IGSF11: variants seen among roughly 807,000 people sequenced by gnomAD.
IGSF11 encodes immunoglobulin superfamily member 11.
IGSF11 carries 22 observed loss-of-function variants against 41.0 expected under a neutral mutation model. That is an observed-to-expected ratio of 0.54 (90% CI 0.38 to 0.77). The LOEUF (loss-of-function observed/expected upper bound fraction) is 0.77. IGSF11 is among the 30% of genes least tolerant of loss of function. IGSF11 has a pLI of 0.00. For synonymous variants in IGSF11, 219 were observed against 201.3 expected (o/e 1.09, Z -0.74); for missense variants, 444 against 530.8 (o/e 0.84, Z 1.61).
chr3:119,132,838 T>TA (rs532283389), intron 1 of IGSF11, among the ~76,000 whole-genome samples: 91 of 152,056 alleles, frequency 6.0e-4, no homozygotes, highest in African/African-American at 2.0e-3. Flanking sequence ...TCAGCAAATG[T>TA]AAAAAAATGG....
intron 1 of IGSF11, among the ~76,000 whole-genome samples, chr3:119,123,297 G>A (rs765260765): frequency 7.2e-5 from 11 of 152,218 alleles, no homozygotes; most frequent in African/African-American, 2.4e-4. Flanking sequence ...GAAGGACTAT[G>A]TCTTGTTGTT....
chr3:118,949,804 A>G (rs1315557670), intron 1 of IGSF11, among the ~76,000 whole-genome samples: 1 of 152,218 alleles, frequency 6.6e-6, no homozygotes, highest in East Asian at 1.9e-4. Flanking sequence ...TTTCTACTGT[A>G]ACACACAGCC....
At chr3:118,941,910 G>A (rs1415845728) in intron 1 of IGSF11, among the ~76,000 whole-genome samples, 8 of 151,984 alleles carry the variant, frequency 5.3e-5, no homozygotes, top group Admixed American at 3.3e-4. Flanking sequence ...AAAAATCTAC[G>A]GAGAAAGCAA....
chr3:119,076,797 C>CTT (rs199524952), intron 1 of IGSF11, among the ~76,000 whole-genome samples: 108 of 149,092 alleles, frequency 7.2e-4, no homozygotes, highest in Middle Eastern at 3.4e-3. Context: ...AATAGGAACA[C>CTT]TTTTTTTTTT....
chr3:119,080,350 C>A (rs1188281084), intron 1 of IGSF11, among the ~76,000 whole-genome samples: 2 of 152,146 alleles, frequency 1.3e-5, no homozygotes, highest in African/African-American at 2.4e-5. Flanking sequence ...AATAATACTA[C>A]AATTCTATGA....
intron 1 of IGSF11, among the ~76,000 whole-genome samples, chr3:118,985,350 T>C (rs1022944587): frequency 1.4e-4 from 21 of 152,198 alleles, no homozygotes; most frequent in African/African-American, 4.1e-4. Context: ...GACAGCTTCA[T>C]TTGTGACATA....
intron 1 of IGSF11, among the ~76,000 whole-genome samples, chr3:118,996,462 C>G (rs910402584): frequency 1.3e-5 from 2 of 152,198 alleles, no homozygotes; most frequent in Non-Finnish European, 2.9e-5. Context: ...CTACAACAGC[C>G]TCTTAATCCA....
At chr3:118,961,097 A>G in intron 1 of IGSF11, among the ~76,000 whole-genome samples, 1 of 152,218 alleles carries the variant, frequency 6.6e-6, no homozygotes, top group African/African-American at 2.4e-5. Context: ...CACAATCTGT[A>G]AAGAAGCTCA....
chr3:118,961,804 T>G (rs564826722), intron 1 of IGSF11, among the ~76,000 whole-genome samples: 1 of 152,238 alleles, frequency 6.6e-6, no homozygotes, highest in African/African-American at 2.4e-5. Flanking sequence ...TTTTAAACAA[T>G]GTAATTAATA....
At chr3:119,102,070 C>T (rs888029240) in intron 1 of IGSF11, among the ~76,000 whole-genome samples, 2 of 152,104 alleles carry the variant, frequency 1.3e-5, no homozygotes, top group African/African-American at 2.4e-5. Context: ...TCCACTTTGT[C>T]AGAGTTTATA....
intron 1 of IGSF11, among the ~76,000 whole-genome samples, chr3:119,076,780 G>A (rs1294571146): frequency 1.3e-5 from 2 of 149,828 alleles, no homozygotes; most frequent in Non-Finnish European, 1.5e-5. Context: ...TGGAGAGGAT[G>A]TGGAGAAATA....
intron 1 of IGSF11, among the ~76,000 whole-genome samples, chr3:119,064,555 C>G (rs1245082062): frequency 7.6e-6 from 1 of 131,634 alleles, no homozygotes; most frequent in Non-Finnish European, 1.6e-5. Flanking sequence ...TAGGAATCAT[C>G]ACCTCAATTT....
intron 1 of IGSF11, among the ~76,000 whole-genome samples, chr3:118,959,730 C>T (rs1450354720): frequency 6.6e-6 from 1 of 152,146 alleles, no homozygotes; most frequent in African/African-American, 2.4e-5. Flanking sequence ...TGTTTAATTA[C>T]TGCTGCTGCT....
At chr3:119,101,916 T>C (rs538875080) in intron 1 of IGSF11, among the ~76,000 whole-genome samples, 1 of 152,372 alleles carries the variant, frequency 6.6e-6, no homozygotes, top group East Asian at 1.9e-4. Flanking sequence ...AGATTTATCT[T>C]AGTACTTGTC....
intron 3 of IGSF11, 92 bp downstream of exon 3, chr3:118,928,417 C>G: frequency 1.1e-6 from 1 of 898,222 alleles, no homozygotes; most frequent in Non-Finnish European, 1.8e-6. Flanking sequence ...CATAAGCAGA[C>G]TGAAGGTGTA....
chr3:119,079,893 G>C (rs1034614900), intron 1 of IGSF11, among the ~76,000 whole-genome samples: 2 of 152,152 alleles, frequency 1.3e-5, no homozygotes, highest in Admixed American at 1.3e-4. Context: ...AGAGTGGAGG[G>C]TATGAGAAGG....
intron 1 of IGSF11, among the ~76,000 whole-genome samples, chr3:119,139,946 A>T (rs931665803): frequency 1.3e-5 from 2 of 152,200 alleles, no homozygotes; most frequent in Non-Finnish European, 2.9e-5. Context: ...TCCAAACAAG[A>T]TTATTTTAAG....
intron 4 of IGSF11, among the ~76,000 whole-genome samples, chr3:118,911,614 T>C (rs901913411): frequency 4.6e-5 from 7 of 150,760 alleles, no homozygotes; most frequent in Non-Finnish European, 7.4e-5. Flanking sequence ...CCTGGGTGGG[T>C]AACAGAGCAA....
In IGSF11 at chr3:118,902,447, T is replaced by TGGCCCCCCCCC; in HGVS notation, c.*72_*73insGGGGGGGGGCC. The TGGCCCCCCCCC allele has an allele frequency of 1.8e-6, 1 of 563,916 alleles. No homozygotes were observed. The highest frequency in any genetic ancestry group is 3.4e-6 in the Non-Finnish European group (1 of 298,020). The allele number at this position is 563,916 out of a possible 1,614,324, so 34.9% of individuals were successfully genotyped here. A position where few individuals can be genotyped will look rare whatever the true frequency, so the allele number is the denominator to read the frequency against. ...TAAGGAAGTGTTTCTTTCCCAGCAC[T>TGGCCCCCCCCC]CCCCACCCCACCCTCCCCCTTGTAT... On this transcript the variant is annotated 3_prime_UTR_variant, in exon 7 of 7. Transcript: ENST00000393775.
Sources: allele counts gnomAD v4.1 joint callset (sites outside exome capture counted in the v4.1 genomes callset), GRCh38; gene constraint gnomAD v4.1.1; transcripts MANE v1.5; gene names NCBI Gene and HGNC (gene_info 2026-07-23, HGNC 2026-07-21).